STAB2: variants seen among roughly 807,000 people sequenced by gnomAD.
STAB2 encodes the protein stabilin 2, also known as stabilin-2.
A neutral mutation model predicts 338.1 loss-of-function variants in STAB2; 288 were observed. The observed-to-expected ratio is 0.85, with a 90% CI of 0.77 to 0.94. The LOEUF (loss-of-function observed/expected upper bound fraction) is 0.94, where lower values mean the gene tolerates loss of function less well. STAB2 is among the 40% of genes least tolerant of loss of function. STAB2 has a pLI of 0.00. For synonymous variants in STAB2, 1,202 were observed against 1,193.3 expected (o/e 1.01, Z -0.15); for missense variants, 3,141 against 3,210.1 (o/e 0.98, Z 0.52).
intron 2 of STAB2, 95 bp downstream of exon 2, chr12:103,591,125 C>A: frequency 6.5e-7 from 1 of 1,545,704 alleles, no homozygotes; most frequent in Non-Finnish European, 8.8e-7. Flanking sequence ...TTTTCTCTTG[C>A]TCTAAGACAA....
At chr12:103,731,070 GT>G (rs202226481) in intron 49 of STAB2, among the ~76,000 whole-genome samples, 7 of 151,864 alleles carry the variant, frequency 4.6e-5, no homozygotes, top group Admixed American at 4.6e-4. Context: ...GTCTAAAAAA[GT>G]TTTTTTTAAT....
intron 44 of STAB2, among the ~76,000 whole-genome samples, chr12:103,723,405 C>T (rs1172300147): frequency 1.3e-5 from 2 of 152,192 alleles, no homozygotes; most frequent in Admixed American, 6.5e-5. Flanking sequence ...GATTCATTCA[C>T]TATTACAAGA....
chr12:103,655,999 T>C lies in STAB2; in HGVS notation c.1734+418T>C, dbSNP rs541403122. ...GGTCTAGGCTAAACTTTAAAAAGAA[T>C]ACGTGTTATTTTTAGATGCTTCAGC... On this transcript the variant is annotated intron_variant, in intron 15 of 68. Coordinates refer to ENST00000388887, the MANE Select transcript of STAB2 (RefSeq NM_017564.10). 3.3e-5 allele frequency among the ~76,000 whole-genome samples: 5 copies of C among 152,322 alleles called. No individual in the cohort carries two copies. In the South Asian group the frequency reaches 1.0e-3, roughly 32 times the overall value.
intron 3 of STAB2, among the ~76,000 whole-genome samples, chr12:103,618,815 G>C (rs1032679853): frequency 2.6e-5 from 4 of 152,100 alleles, no homozygotes; most frequent in African/African-American, 9.7e-5. Flanking sequence ...GATATGGCTT[G>C]GCTCTGTGTC....
At chr12:103,731,063 TA>T (rs1369871972) in intron 49 of STAB2, among the ~76,000 whole-genome samples, 2 of 152,034 alleles carry the variant, frequency 1.3e-5, no homozygotes, top group African/African-American at 4.8e-5. Context: ...AGATCCTGTC[TA>T]AAAAAGTTTT....
intron 54 of STAB2, among the ~76,000 whole-genome samples, 155 bp downstream of exon 54, chr12:103,739,623 C>A (rs914953471): frequency 3.1e-4 from 47 of 150,818 alleles, no homozygotes; most frequent in African/African-American, 1.1e-3. Context: ...CTTTCAACAA[C>A]AAAGCCAATG....
intron 10 of STAB2, among the ~76,000 whole-genome samples, chr12:103,649,268 T>G (rs184893051): frequency 7.9e-5 from 12 of 152,240 alleles, no homozygotes; most frequent in Non-Finnish European, 1.3e-4. Flanking sequence ...CTGTTTGAAT[T>G]TTGGAATAGT....
rs1347115547 is a variant in STAB2, at chr12:103,753,272, G to C, written c.6633G>C (p.Leu2211=). Residue 2211 remains leucine, a synonymous_variant, in exon 61 of 69, where the codon CTG becomes CTC. Coordinates refer to ENST00000388887, the MANE Select transcript of STAB2 (RefSeq NM_017564.10). The part of the protein sequence containing the change: ...HLRSPLGQYK[L]TFDKAREACA... ...GCTCCCCACTGGGCCAGTATAAGCT[G>C]ACCTTTGACAAAGCCAGAGAGGCCT... 6.2e-7 allele frequency: 1 copy of C among 1,614,096 alleles called. No homozygotes were observed. The highest frequency in any genetic ancestry group is 8.5e-7 in the Non-Finnish European group (1 of 1,180,042).
In STAB2 at chr12:103,594,386, C is replaced by T. The variant is rs1472748865; in HGVS notation, c.216-9C>T. 1 of 1,607,470 alleles carries T rather than the reference C, an allele frequency of 6.2e-7. No individual in the cohort carries two copies. The highest frequency in any genetic ancestry group is 1.7e-5 in the Admixed American group (1 of 59,988). ...ATCGTGGGTTAATGTCCTCTCTTTA[C>T]CCTCCAAGGTACACCTTTGAGGTCA... is the stretch of plus-strand genomic sequence containing the variant. On this transcript the variant is annotated splice_polypyrimidine_tract_variant and intron_variant, in intron 2 of 68. Coordinates refer to ENST00000388887, the MANE Select transcript of STAB2 (RefSeq NM_017564.10).
intron 41 of STAB2, 54 bp from the exon 42 acceptor site, chr12:103,713,589 A>G (rs1880055086): frequency 3.7e-6 from 6 of 1,602,728 alleles, no homozygotes; most frequent in South Asian, 1.1e-5. Context: ...GGAAAAATAC[A>G]TCAATGGCTT....
Position 103,655,154 on chromosome 12 carries a change from A to G in STAB2, c.1552-97A>G, listed in dbSNP as rs1874085708. 6.9e-6 allele frequency: 8 copies of G among 1,153,022 alleles called. No homozygotes were observed. In the East Asian group the frequency reaches 1.2e-4, roughly 17 times the overall value. The allele number at this position is 1,153,022 out of a possible 1,614,324, so 71.4% of individuals were successfully genotyped here. A position where few individuals can be genotyped will look rare whatever the true frequency, so the allele number is the denominator to read the frequency against. On this transcript the variant is annotated intron_variant, in intron 13 of 68. Coordinates refer to ENST00000388887, the MANE Select transcript of STAB2 (RefSeq NM_017564.10). ...TTCATTTATATAAATCCATACTGAC[A>G]CATAAACTCTGTCATCAGTCTTTAA...
At chr12:103,614,970 T>A (rs2138612466) in intron 3 of STAB2, among the ~76,000 whole-genome samples, 1 of 152,334 alleles carries the variant, frequency 6.6e-6, no homozygotes, top group East Asian at 1.9e-4. Context: ...AGCAGGTTCT[T>A]ATTGCCCAAG....
At chr12:103,702,813 G>A (rs1412271820) in intron 34 of STAB2, among the ~76,000 whole-genome samples, 3 of 152,200 alleles carry the variant, frequency 2.0e-5, no homozygotes, top group African/African-American at 7.2e-5. Flanking sequence ...ATGATCATGG[G>A]TGGTATTTTT....
At chr12:103,680,206 G>C (rs1010454840) in intron 25 of STAB2, among the ~76,000 whole-genome samples, 1 of 152,148 alleles carries the variant, frequency 6.6e-6, no homozygotes, top group Non-Finnish European at 1.5e-5. Context: ...GAGAAGGATG[G>C]TAATGATGGT....
chr12:103,677,727 C>A, intron 25 of STAB2, 116 bp downstream of exon 25: 1 of 1,330,094 alleles, frequency 7.5e-7, no homozygotes, highest in Non-Finnish European at 1.0e-6. Context: ...TTCAGTCATT[C>A]GTGGCAGTGA....
At chr12:103,627,615 T>C (rs1176663999) in intron 5 of STAB2, among the ~76,000 whole-genome samples, 1 of 152,222 alleles carries the variant, frequency 6.6e-6, no homozygotes, top group Non-Finnish European at 1.5e-5. Flanking sequence ...CAGCCTGCAA[T>C]GCAGTGTCAG....
At chr12:103,750,771 G>A in intron 60 of STAB2, 51 bp downstream of exon 60, 2 of 1,562,696 alleles carry the variant, frequency 1.3e-6, no homozygotes, top group Middle Eastern at 1.7e-4. Context: ...TTCAGGCCTG[G>A]GGAAGGGACC....
At chr12:103,631,212 T>C (rs1957455951) in intron 5 of STAB2, among the ~76,000 whole-genome samples, 1 of 152,212 alleles carries the variant, frequency 6.6e-6, no homozygotes, top group Non-Finnish European at 1.5e-5. Flanking sequence ...AGATATCTGC[T>C]ACCAACAGTG....
intron 44 of STAB2, 56 bp from the exon 45 acceptor site, chr12:103,724,919 A>T: frequency 6.3e-7 from 1 of 1,588,358 alleles, no homozygotes; most frequent in Non-Finnish European, 8.6e-7. Flanking sequence ...ATATCGGTAG[A>T]GCTGGCAAAC....
Sources: gnomAD v4.1 joint callset for allele counts (sites outside exome capture counted in the v4.1 genomes callset) on GRCh38, gnomAD v4.1.1 for gene constraint, MANE v1.5 for transcripts, NCBI Gene and HGNC (gene_info 2026-07-23, HGNC 2026-07-21) for gene names.